RPL14: variants seen among roughly 807,000 people sequenced by gnomAD.
RPL14 encodes large ribosomal subunit protein eL14.
RPL14 carries 4 observed loss-of-function variants against 25.3 expected under a neutral mutation model. The ratio of observed to expected loss-of-function variants is 0.16; its 90% CI spans 0.08 to 0.36. RPL14 has a LOEUF of 0.36. Ranked by LOEUF, RPL14 falls within the 10% of genes least tolerant of loss-of-function variation. The pLI is 1.00. For missense variants in RPL14, 212 were observed against 261.9 expected (o/e 0.81, Z 1.31); for synonymous variants, 75 against 89.8 (o/e 0.84, Z 0.93).
chr3:40,458,526 T>G (rs989380654), intron 2 of RPL14, 116 bp from the exon 3 acceptor site: 1 of 729,484 alleles, frequency 1.4e-6, no homozygotes, highest in African/African-American at 1.8e-5. Context: ...GAGCAATTTA[T>G]TAAAATAGTA....
chr3:40,462,456 A>G lies in RPL14; in HGVS notation c.*224A>G, dbSNP rs1575252833. On this transcript the variant is annotated 3_prime_UTR_variant, in exon 6 of 6. Coordinates refer to ENST00000396203, the MANE Select transcript of RPL14 (RefSeq NM_001034996.3). ...CAGTGGCGCTATCTCGGCTCACTGT[A>G]AGTTCCACCTCCCGGGTTCATGCCA... 1 of 421,060 alleles carries G rather than the reference A, an allele frequency of 2.4e-6. No individual in the cohort carries two copies. Among genetic ancestry groups the G allele is most frequent in the East Asian group, 4.6e-5 (1 of 21,778 alleles). The allele number at this position is 421,060 out of a possible 1,614,324, so 26.1% of individuals were successfully genotyped here. A position where few individuals can be genotyped will look rare whatever the true frequency, so the allele number is the denominator to read the frequency against.
rs1044891242 is a variant in RPL14, at chr3:40,466,137, G to C, written c.*3905G>C. On this transcript the variant is annotated 3_prime_UTR_variant, in exon 6 of 6. Coordinates refer to ENST00000396203, the MANE Select transcript of RPL14 (RefSeq NM_001034996.3). ...ACCCAGGAGGTGGAGGTTGCAGTGA[G>C]CTGACATTACGCCATAGCACTCCAG... The C allele has an allele frequency of 4.6e-5, 7 of 152,214 alleles. No homozygotes were observed. Among genetic ancestry groups the C allele is most frequent in the African/African-American group, 1.4e-4 (6 of 41,388 alleles). 9.4% of individuals were successfully genotyped at this position (152,214 alleles called of 1,614,324 possible).
chr3:40,462,265 T>C lies in RPL14; in HGVS notation c.*33T>C. 1.9e-6 allele frequency: 3 copies of C among 1,548,292 alleles called. No individual in the cohort carries two copies. Among genetic ancestry groups the C allele is most frequent in the South Asian group, 2.5e-5 (2 of 80,214 alleles). On this transcript the variant is annotated 3_prime_UTR_variant, in exon 6 of 6. Coordinates refer to ENST00000396203, the MANE Select transcript of RPL14 (RefSeq NM_001034996.3). Reference sequence around the variant, plus strand: ...TCATAAAAAGTAATAAAGGTTCTTTTTGACCTGTTGACAAATGTATTTAAG... The same window carrying C: ...TCATAAAAAGTAATAAAGGTTCTTTCTGACCTGTTGACAAATGTATTTAAG...
chr3:40,458,087 C>T, intron 2 of RPL14, 96 bp downstream of exon 2: 1 of 1,023,790 alleles, frequency 9.8e-7, no homozygotes, highest in Non-Finnish European at 1.5e-6. Flanking sequence ...GATGAGGATG[C>T]TATGGGTAGT....
rs1488507160 is a variant in RPL14, at chr3:40,467,370, C to A, written c.*5138C>A. 6.6e-6 allele frequency: 1 copy of A among 152,210 alleles called. No homozygotes were observed. The allele number at this position is 152,210 out of a possible 1,614,324, so 9.4% of individuals were successfully genotyped here. On this transcript the variant is annotated 3_prime_UTR_variant, in exon 6 of 6. Coordinates refer to ENST00000396203, the MANE Select transcript of RPL14 (RefSeq NM_001034996.3). ...CAAACTGGGTCCAGAGGCCTGAGAA[C>A]TGGAAGGGCCAGTGGTGTAAGTCCT...
At position 40,466,985 on chromosome 3, in the gene RPL14, T is replaced by G. The variant is rs1250932018; in HGVS notation, c.*4753T>G. On this transcript the variant is annotated 3_prime_UTR_variant, in exon 6 of 6. Transcript: ENST00000396203. ...TTTTTTTTTAATCTAGGCTAAATCA[T>G]GAATACATTTACATTTAAATAAAAT... 3 of 152,110 alleles carry G rather than the reference T, an allele frequency of 2.0e-5. No homozygotes were observed. Among genetic ancestry groups the G allele is most frequent in the Non-Finnish European group, 2.9e-5 (2 of 68,030 alleles). 9.4% of individuals were successfully genotyped at this position (152,110 alleles called of 1,614,324 possible).
intron 1 of RPL14, chr3:40,457,684 G>A: frequency 1.5e-6 from 1 of 655,002 alleles, no homozygotes; most frequent in Admixed American, 2.8e-5. Context: ...GCGGACCTGG[G>A]AGCTGGCGGG....
rs568895664 is a variant in RPL14, at chr3:40,461,789, G to A, written c.354+128G>A. On this transcript the variant is annotated intron_variant, in intron 5 of 5. Coordinates refer to ENST00000396203, the MANE Select transcript of RPL14 (RefSeq NM_001034996.3). ...AAAAAAGGAGAATTTATCTTCATTTGTATTTCATGATGTCCCTATGGAATT... is the reference window on the plus strand; with the variant it reads ...AAAAAAGGAGAATTTATCTTCATTTATATTTCATGATGTCCCTATGGAATT... 2.9e-5 allele frequency: 37 copies of A among 1,281,346 alleles called. 1 individual carries two copies. In the South Asian group the frequency reaches 5.4e-4, roughly 19 times the overall value. The allele number at this position is 1,281,346 out of a possible 1,614,324, so 79.4% of individuals were successfully genotyped here. A position where few individuals can be genotyped will look rare whatever the true frequency, so the allele number is the denominator to read the frequency against.
At chr3:40,459,582 G>A (rs1434860301) in intron 3 of RPL14, among the ~76,000 whole-genome samples, 3 of 152,110 alleles carry the variant, frequency 2.0e-5, no homozygotes, top group African/African-American at 7.2e-5. Flanking sequence ...TTGGCCGGGC[G>A]CGGTGGCTCA....
Position 40,462,064 on chromosome 3 carries a change from A to C in RPL14, c.480A>C (p.Lys160Asn). Residue 160 changes from lysine (K) to asparagine (N), a missense_variant, in exon 6 of 6, where the codon AAA (lysine) becomes AAC (asparagine). Lys to Asn is a moderately conservative substitution (Grantham distance 94, BLOSUM62 0). Transcript: ENST00000396203. ...AAAAAAAAAA[K>N]VPAKKITAAS... ...CTGCTGCTGCTGCTGCTGCTGCTAA[A>C]GTTCCAGCAAAAAAGATCACCGCCG... The C allele has an allele frequency of 1.1e-6, 1 of 886,568 alleles. No individual in the cohort carries two copies. Among genetic ancestry groups the C allele is most frequent in the South Asian group, 1.5e-5 (1 of 66,016 alleles). 54.9% of individuals were successfully genotyped at this position (886,568 alleles called of 1,614,324 possible).
chr3:40,464,628 A>T lies in RPL14; in HGVS notation c.*2396A>T. ...TTTTTAAAATGGCGTGATATCTCAGATTTAGATCATTGAACTGTTAAGACT... is the reference window on the plus strand; with the variant it reads ...TTTTTAAAATGGCGTGATATCTCAGTTTTAGATCATTGAACTGTTAAGACT... On this transcript the variant is annotated 3_prime_UTR_variant, in exon 6 of 6. Coordinates refer to ENST00000396203, the MANE Select transcript of RPL14 (RefSeq NM_001034996.3). 2.3e-6 allele frequency: 1 copy of T among 427,796 alleles called. No homozygotes were observed. Among genetic ancestry groups the T allele is most frequent in the East Asian group, 7.0e-5 (1 of 14,196 alleles). The allele number at this position is 427,796 out of a possible 1,614,324, so 26.5% of individuals were successfully genotyped here.
At position 40,467,585 on chromosome 3, in the gene RPL14, A is replaced by ATG. The variant is rs1386228583; in HGVS notation, c.*5354_*5355dup. On this transcript the variant is annotated 3_prime_UTR_variant, in exon 6 of 6. Transcript: ENST00000396203. Reference sequence around the variant, plus strand: ...ATCTTTACTCAGTCTACCCATTCAAATGCCAATCTCTTCCAGAGGTAATCT... The same window carrying ATG: ...ATCTTTACTCAGTCTACCCATTCAAATGTGCCAATCTCTTCCAGAGGTAATCT... 2.0e-5 allele frequency: 3 copies of ATG among 152,282 alleles called. No individual in the cohort carries two copies. Among genetic ancestry groups the ATG allele is most frequent in the African/African-American group, 7.2e-5 (3 of 41,450 alleles). The allele number at this position is 152,282 out of a possible 1,614,324, so 9.4% of individuals were successfully genotyped here.
Position 40,463,109 on chromosome 3 carries a change from A to G in RPL14, c.*877A>G, listed in dbSNP as rs1575253198. ...ATTTTTTTTGTAGAGACTGGGTTTC[A>G]CTATGTTGGCCAGGCTGGTTTTGAA... On this transcript the variant is annotated 3_prime_UTR_variant, in exon 6 of 6. Coordinates refer to ENST00000396203, the MANE Select transcript of RPL14 (RefSeq NM_001034996.3). 6.6e-6 allele frequency: 1 copy of G among 151,856 alleles called. No homozygotes were observed. The allele number at this position is 151,856 out of a possible 1,614,324, so 9.4% of individuals were successfully genotyped here. A position where few individuals can be genotyped will look rare whatever the true frequency, so the allele number is the denominator to read the frequency against.
At chr3:40,458,369 C>T (rs1350708348) in intron 2 of RPL14, 4 of 523,996 alleles carry the variant, frequency 7.6e-6, no homozygotes, top group Non-Finnish European at 1.4e-5. Flanking sequence ...GATCAGAGTC[C>T]TAAAGTTGCC....
intron 3 of RPL14, 147 bp downstream of exon 3, chr3:40,458,883 T>TAA (rs765857736): frequency 1.5e-6 from 1 of 670,928 alleles, no homozygotes; most frequent in African/African-American, 1.8e-5. Flanking sequence ...TATTTACTTT[T>TAA]AAAATGTCTT....
chr3:40,459,953 G>C (rs550250013), intron 3 of RPL14, among the ~76,000 whole-genome samples: 1 of 151,682 alleles, frequency 6.6e-6, no homozygotes, highest in South Asian at 2.1e-4. Context: ...AGTACTGGTA[G>C]TTGAAAACAT....
intron 2 of RPL14, 175 bp from the exon 3 acceptor site, chr3:40,458,467 A>T (rs1696878707): frequency 1.0e-5 from 6 of 601,128 alleles, no homozygotes; most frequent in Non-Finnish European, 1.8e-5. Context: ...TGTGTTGAGC[A>T]AAAGACATAC....
At position 40,465,912 on chromosome 3, in the gene RPL14, C is replaced by T. The variant is rs1159388467; in HGVS notation, c.*3680C>T. On this transcript the variant is annotated 3_prime_UTR_variant, in exon 6 of 6. Transcript: ENST00000396203. Reference sequence around the variant, plus strand: ...GACCATATGATAAGAGATTTGAGGCCGGGCACTGTGGCTCACACCTGTAAT... The same window carrying T: ...GACCATATGATAAGAGATTTGAGGCTGGGCACTGTGGCTCACACCTGTAAT... The T allele has an allele frequency of 4.6e-5, 7 of 152,094 alleles. No homozygotes were observed. Among genetic ancestry groups the T allele is most frequent in the African/African-American group, 1.2e-4 (5 of 41,394 alleles). The allele number at this position is 152,094 out of a possible 1,614,324, so 9.4% of individuals were successfully genotyped here. A position where few individuals can be genotyped will look rare whatever the true frequency, so the allele number is the denominator to read the frequency against.
At chr3:40,459,410 C>T (rs1314399802) in intron 3 of RPL14, among the ~76,000 whole-genome samples, 5 of 152,142 alleles carry the variant, frequency 3.3e-5, no homozygotes, top group African/African-American at 4.8e-5. Context: ...GGTTTTATCC[C>T]TAGCTTACAT....
Sources: allele counts gnomAD v4.1 joint callset (sites outside exome capture counted in the v4.1 genomes callset), GRCh38; gene constraint gnomAD v4.1.1; transcripts MANE v1.5; gene names NCBI Gene and HGNC (gene_info 2026-07-23, HGNC 2026-07-21).